Variants in COL22A1 observed in about 807,000 individuals in gnomAD.
The protein encoded by COL22A1 is collagen type XXII alpha 1 chain.
Under a neutral mutation model 248.9 loss-of-function variants are expected in COL22A1, and 221 were observed. The ratio of observed to expected loss-of-function variants is 0.89; its 90% CI spans 0.80 to 0.99. COL22A1 has a LOEUF of 0.99. COL22A1 is among the 50% of genes least tolerant of loss of function. COL22A1 has a pLI of 0.00. For missense variants in COL22A1, 2,240 were observed against 2,179.0 expected, an observed-to-expected ratio of 1.03 and a Z score of -0.56; for synonymous variants, 891 against 793.4, an observed-to-expected ratio of 1.12 and a Z score of -2.07.
intron 11 of COL22A1, among the ~76,000 whole-genome samples, chr8:138,799,388 CT>C (rs1816817839): frequency 6.6e-6 from 1 of 152,180 alleles, no homozygotes; most frequent in African/African-American, 2.4e-5. Context: ...CTTAGCATAT[CT>C]CATAATTTTT....
At chr8:138,612,346 C>T (rs1050765791) in intron 56 of COL22A1, among the ~76,000 whole-genome samples, 8 of 152,106 alleles carry the variant, frequency 5.3e-5, no homozygotes, top group African/African-American at 1.9e-4. Flanking sequence ...CACTAGGCAC[C>T]TAAATATCTA....
chr8:138,877,559 G>A (rs1346630592), intron 3 of COL22A1, among the ~76,000 whole-genome samples, 191 bp downstream of exon 3: 1 of 152,106 alleles, frequency 6.6e-6, no homozygotes, highest in Non-Finnish European at 1.5e-5. Flanking sequence ...ATGTCCAGGG[G>A]GTGCCCATGC....
At chr8:138,640,858 A>T (rs764406846) in intron 47 of COL22A1, among the ~76,000 whole-genome samples, 2 of 152,224 alleles carry the variant, frequency 1.3e-5, no homozygotes, top group Non-Finnish European at 2.9e-5. Context: ...TAAATGCCCA[A>T]GTCCTATAAT....
chr8:138,805,133 TG>T (rs398113094), intron 10 of COL22A1, among the ~76,000 whole-genome samples: 1 of 101,358 alleles, frequency 9.9e-6, no homozygotes, highest in African/African-American at 5.3e-5. Flanking sequence ...GTATGTGTGA[TG>T]GGGTGTGTGT....
chr8:138,660,851 CAT>C (rs1349969389), intron 43 of COL22A1, among the ~76,000 whole-genome samples: 33 of 134,784 alleles, frequency 2.4e-4, no homozygotes, highest in South Asian at 7.2e-4. Flanking sequence ...CACACACACA[CAT>C]ACACAGACAC....
intron 46 of COL22A1, among the ~76,000 whole-genome samples, chr8:138,648,594 T>C (rs77386746): frequency 6.6e-6 from 1 of 151,894 alleles, no homozygotes; most frequent in Non-Finnish European, 1.5e-5. Flanking sequence ...CTTTTTTTTT[T>C]CCAGTTTGAT....
intron 30 of COL22A1, 28 bp from the exon 31 acceptor site, chr8:138,703,375 C>T (rs759054136): frequency 2.5e-6 from 4 of 1,605,368 alleles, no homozygotes; most frequent in Non-Finnish European, 3.4e-6. Context: ...AAATCCATGA[C>T]CATTAATCTT....
Position 138,645,980 on chromosome 8 carries a change from A to G in COL22A1, c.3501+649T>C, listed in dbSNP as rs551023158. The stretch of plus-strand genomic sequence containing the variant: ...TCTATCTGTCCCCATACCAGCACTC[A>G]GGCAGTTTCTTCTTAGAGCTAAATA... On this transcript the variant is annotated intron_variant, in intron 47 of 64. Transcript: ENST00000303045. 2.4e-4 allele frequency among the ~76,000 whole-genome samples: 37 copies of G among 152,304 alleles called. No individual in the cohort carries two copies. In the South Asian group the frequency reaches 7.5e-3, roughly 31 times the overall value.
chr8:138,881,023 G>A (rs1824159950), intron 2 of COL22A1, among the ~76,000 whole-genome samples: 1 of 152,220 alleles, frequency 6.6e-6, no homozygotes, highest in African/African-American at 2.4e-5. Context: ...AACCCGGGCA[G>A]GTGCCCTGGC....
chr8:138,810,046 G>A (rs1818075165), intron 9 of COL22A1, among the ~76,000 whole-genome samples: 1 of 152,086 alleles, frequency 6.6e-6, no homozygotes, highest in South Asian at 2.1e-4. Flanking sequence ...AGAAGTACAG[G>A]GAGAAAAAGG....
intron 3 of COL22A1, among the ~76,000 whole-genome samples, chr8:138,876,605 G>A (rs1472097859): frequency 2.0e-5 from 3 of 152,320 alleles, no homozygotes; most frequent in East Asian, 3.9e-4. Flanking sequence ...GCAGCCTAGA[G>A]CCACCCCAGT....
chr8:138,598,810 G>C lies in COL22A1; in HGVS notation c.4274C>G (p.Thr1425Arg), dbSNP rs1339747295. The change falls in exon 61 of 65, where the codon ACA becomes AGA. Residue 1425 changes from threonine to arginine, a missense_variant. Coordinates refer to ENST00000303045, the MANE Select transcript of COL22A1 (RefSeq NM_152888.3). ...DPGIPGHKGHTGLMGPQGLPG... is the reference protein window; with the variant it reads ...DPGIPGHKGHRGLMGPQGLPG... ...TAGTCCTTGGGGACCCATCAGGCCT[G>C]TGTGGCCTTTGTGGCCTGGGATTCC... 4 of 1,614,082 alleles carry C rather than the reference G, an allele frequency of 2.5e-6. No individual in the cohort carries two copies. The highest frequency in any genetic ancestry group is 2.2e-5 in the East Asian group (1 of 44,880).
chr8:138,738,772 T>C (rs1831323080), intron 22 of COL22A1, among the ~76,000 whole-genome samples: 1 of 152,218 alleles, frequency 6.6e-6, no homozygotes. Context: ...TTCTACAAAA[T>C]AACTCTAAGT....
Position 138,693,705 on chromosome 8 carries a change from C to G in COL22A1, c.2701-6G>C. On this transcript the variant is annotated splice_region_variant and splice_polypyrimidine_tract_variant and intron_variant, in intron 34 of 64. Coordinates refer to ENST00000303045, the MANE Select transcript of COL22A1 (RefSeq NM_152888.3). The stretch of plus-strand genomic sequence containing the variant: ...CCTTCCTGTCCCTTGGCACCCTGCA[C>G]AGGAAATAAAAGAGGGGCGGGGGTA... The G allele has an allele frequency of 6.4e-7, 1 of 1,568,342 alleles. No homozygotes were observed. Among genetic ancestry groups the G allele is most frequent in the Non-Finnish European group, 8.6e-7 (1 of 1,156,098 alleles).
intron 41 of COL22A1, among the ~76,000 whole-genome samples, chr8:138,666,771 G>A (rs528016082): frequency 2.0e-5 from 3 of 152,296 alleles, no homozygotes; most frequent in Non-Finnish European, 4.4e-5. Context: ...TCCACTTTGA[G>A]CATTTAACTT....
At chr8:138,774,226 G>A (rs949763340) in intron 16 of COL22A1, among the ~76,000 whole-genome samples, 2 of 152,058 alleles carry the variant, frequency 1.3e-5, no homozygotes, top group Admixed American at 1.3e-4. Flanking sequence ...CCTGCTTTGG[G>A]GAACGAGGCC....
At chr8:138,619,125 C>T (rs1243706403) in intron 53 of COL22A1, among the ~76,000 whole-genome samples, 1 of 151,880 alleles carries the variant, frequency 6.6e-6, no homozygotes, top group African/African-American at 2.4e-5. Flanking sequence ...GGAAAAAAAA[C>T]CTTAGCTATG....
intron 3 of COL22A1, among the ~76,000 whole-genome samples, chr8:138,854,066 AC>A (rs1563846588): frequency 6.6e-6 from 1 of 152,194 alleles, no homozygotes; most frequent in Non-Finnish European, 1.5e-5. Context: ...GGTGGCTGTG[AC>A]TGTCACATGG....
chr8:138,616,540 T>C (rs1819335571), intron 54 of COL22A1, among the ~76,000 whole-genome samples: 1 of 152,214 alleles, frequency 6.6e-6, no homozygotes, highest in African/African-American at 2.4e-5. Context: ...TTTCCATTTA[T>C]AAGCTCTAGG....
Sources: gnomAD v4.1 joint callset for allele counts (sites outside exome capture counted in the v4.1 genomes callset) on GRCh38, gnomAD v4.1.1 for gene constraint, MANE v1.5 for transcripts, NCBI Gene and HGNC (gene_info 2026-07-23, HGNC 2026-07-21) for gene names.